Variants in FUBP3 observed in about 807,000 individuals in gnomAD.
FUBP3 encodes the protein far upstream element-binding protein 3.
A neutral mutation model predicts 85.6 loss-of-function variants in FUBP3; 28 were observed. The ratio of observed to expected loss-of-function variants is 0.33; its 90% CI spans 0.24 to 0.45. The LOEUF (loss-of-function observed/expected upper bound fraction) is 0.45. Ranked by LOEUF, FUBP3 falls within the 20% of genes least tolerant of loss-of-function variation. FUBP3 has a pLI of 1.00. For missense variants in FUBP3, 583 were observed against 755.1 expected (o/e 0.77, Z 2.67); for synonymous variants, 271 against 271.4 (o/e 1.00, Z 0.01).
At chr9:130,619,983 A>G (rs555618344) in intron 8 of FUBP3, among the ~76,000 whole-genome samples, 8 of 152,360 alleles carry the variant, frequency 5.3e-5, no homozygotes, top group Non-Finnish European at 1.0e-4. Flanking sequence ...TTCCTGCTAG[A>G]AAGAAATGGC....
chr9:130,582,721 A>G (rs1830185674), intron 1 of FUBP3, among the ~76,000 whole-genome samples: 1 of 152,176 alleles, frequency 6.6e-6, no homozygotes, highest in African/African-American at 2.4e-5. Flanking sequence ...AGTCTGGTTT[A>G]TGTTGTTCCA....
chr9:130,608,830 T>C (rs189728743), intron 2 of FUBP3, among the ~76,000 whole-genome samples: 2 of 152,326 alleles, frequency 1.3e-5, no homozygotes, highest in Admixed American at 6.5e-5. Flanking sequence ...CACGGTCTGC[T>C]TTTTTTCCTT....
chr9:130,587,383 A>G (rs1360132213), intron 1 of FUBP3, among the ~76,000 whole-genome samples: 1 of 152,026 alleles, frequency 6.6e-6, no homozygotes, highest in East Asian at 1.9e-4. Context: ...TAAACAGATC[A>G]CTGGAGGATT....
rs1388696215 is a variant in FUBP3, at chr9:130,635,001, C to G, written c.1582+263C>G. Among the ~76,000 whole-genome samples the G allele has an allele frequency of 2.0e-5, 3 of 152,160 alleles. No homozygotes were observed. Among genetic ancestry groups the G allele is most frequent in the South Asian group, 4.1e-4 (2 of 4,832 alleles). On this transcript the variant is annotated intron_variant, in intron 17 of 18. Transcript: ENST00000319725. The surrounding 1 kb of genome is among the most constrained non-coding windows in gnomAD (Gnocchi z 4.3). ...TCTCCCCGTGCTGGGCTCCAAAGGA[C>G]TTGAGGTGGGCGTGGCACCTGGAAG...
At chr9:130,599,269 G>A (rs1421032860) in intron 2 of FUBP3, among the ~76,000 whole-genome samples, 2 of 151,950 alleles carry the variant, frequency 1.3e-5, no homozygotes, top group African/African-American at 2.4e-5. Flanking sequence ...TCCAGCCTGG[G>A]CAACAGAGTG....
Position 130,616,766 on chromosome 9 carries a change from C to G in FUBP3, c.567+249C>G, listed in dbSNP as rs961383192. ...AGGGGCCCCAGTGAACTTTGAGCAG[C>G]CTTTTTGGCAGTGAGCTCTGTGAGG... On this transcript the variant is annotated intron_variant, in intron 7 of 18. Coordinates refer to ENST00000319725, the MANE Select transcript of FUBP3 (RefSeq NM_003934.2). The surrounding 1 kb of genome is among the most constrained non-coding windows in gnomAD (Gnocchi z 4.7). 2.0e-5 allele frequency among the ~76,000 whole-genome samples: 3 copies of G among 152,210 alleles called. No homozygotes were observed. Among genetic ancestry groups the G allele is most frequent in the Non-Finnish European group, 4.4e-5 (3 of 68,036 alleles).
rs1832002184 is a variant in FUBP3 at position 130,616,240 on chromosome 9, G to A, written c.405-115G>A. ...GTTGTGGGGGCAGGAGCTGGAGCTG[G>A]ATGGAGGGCTGCCCTGACTCCCGCA... On this transcript the variant is annotated intron_variant, in intron 6 of 18. Transcript: ENST00000319725. This position sits in a 1 kb window ranked among gnomAD's most constrained non-coding sequence, Gnocchi z 4.7. 1.1e-6 allele frequency: 1 copy of A among 913,132 alleles called. No individual in the cohort carries two copies. The highest frequency in any genetic ancestry group is 3.4e-4 in the Middle Eastern group (1 of 2,922). The allele number at this position is 913,132 out of a possible 1,614,324, so 56.6% of individuals were successfully genotyped here.
intron 2 of FUBP3, among the ~76,000 whole-genome samples, chr9:130,603,373 T>C (rs1282182485): frequency 4.1e-4 from 38 of 92,602 alleles, no homozygotes; most frequent in African/African-American, 8.1e-4. Flanking sequence ...AAAAAACAAA[T>C]AGTGAAGGGG....
At position 130,635,086 on chromosome 9, in the gene FUBP3, C is replaced by G. The variant is rs981953275; in HGVS notation, c.1582+348C>G. ...CTGAAAGATTCCGGCTGGGTGCCACCTGGCCGGCAAACAGACCAACCAGAC... is the reference window on the plus strand; with the variant it reads ...CTGAAAGATTCCGGCTGGGTGCCACGTGGCCGGCAAACAGACCAACCAGAC... On this transcript the variant is annotated intron_variant, in intron 17 of 18. Transcript: ENST00000319725. The surrounding 1 kb of genome is among the most constrained non-coding windows in gnomAD (Gnocchi z 4.3). Among the ~76,000 whole-genome samples the G allele has an allele frequency of 1.3e-5, 2 of 152,180 alleles. No homozygotes were observed. The highest frequency in any genetic ancestry group is 4.8e-5 in the African/African-American group (2 of 41,440).
chr9:130,619,472 C>T (rs1829644815), intron 8 of FUBP3, among the ~76,000 whole-genome samples: 1 of 152,100 alleles, frequency 6.6e-6, no homozygotes, highest in South Asian at 2.1e-4. Flanking sequence ...AAGCATGTGT[C>T]TCCTAAGAAT....
chr9:130,637,159 C>A lies in FUBP3; in HGVS notation c.*137C>A. The A allele has an allele frequency of 2.9e-6, 2 of 694,024 alleles. No homozygotes were observed. Among genetic ancestry groups the A allele is most frequent in the South Asian group, 1.7e-5 (1 of 58,842 alleles). The allele number at this position is 694,024 out of a possible 1,614,324, so 43.0% of individuals were successfully genotyped here. On this transcript the variant is annotated 3_prime_UTR_variant, in exon 19 of 19. Coordinates refer to ENST00000319725, the MANE Select transcript of FUBP3 (RefSeq NM_003934.2). ...CTGTGAAACACTATATTTAGATTAA[C>A]GGAATTTTTCTAAAAATCAGGAAAA...
chr9:130,632,421 C>T (rs1391233218), intron 16 of FUBP3, 143 bp downstream of exon 16: 4 of 658,128 alleles, frequency 6.1e-6, no homozygotes, highest in Middle Eastern at 4.1e-4. Context: ...CTGGGTGGGG[C>T]TTGGGCCCTC....
intron 8 of FUBP3, among the ~76,000 whole-genome samples, chr9:130,618,217 C>T (rs950354757): frequency 1.1e-4 from 16 of 152,292 alleles, no homozygotes; most frequent in African/African-American, 2.4e-4. Context: ...AGAACATTTC[C>T]GAGCTCTTGC....
Position 130,630,793 on chromosome 9 carries a change from G to A in FUBP3, c.1278+5G>A, listed in dbSNP as rs1192708556. The A allele has an allele frequency of 2.0e-6, 3 of 1,471,252 alleles. No homozygotes were observed. Among genetic ancestry groups the A allele is most frequent in the African/African-American group, 1.5e-5 (1 of 68,352 alleles). 91.1% of individuals were successfully genotyped at this position (1,471,252 alleles called of 1,614,324 possible). A position where few individuals can be genotyped will look rare whatever the true frequency, so the allele number is the denominator to read the frequency against. On this transcript the variant is annotated splice_donor_5th_base_variant and intron_variant, in intron 13 of 18. Coordinates refer to ENST00000319725, the MANE Select transcript of FUBP3 (RefSeq NM_003934.2). ...CTCATAGATGAGAAAGTTGGCGTAC[G>A]TACAGGGTCCTTCCCCCACCTGGTT...
intron 17 of FUBP3, 121 bp downstream of exon 17, chr9:130,634,859 A>C: frequency 4.1e-5 from 31 of 760,916 alleles, no homozygotes; most frequent in South Asian, 6.7e-5. Context: ...GCTTGATCTC[A>C]TTATTTGCCT....
chr9:130,589,675 G>GTGTATATA (rs869282275), intron 1 of FUBP3, among the ~76,000 whole-genome samples: 11 of 34,266 alleles, frequency 3.2e-4, no homozygotes, highest in African/African-American at 1.1e-3. Flanking sequence ...GTATGTGTGT[G>GTGTATATA]TATATATATA....
chr9:130,614,387 C>T (rs759304186), intron 6 of FUBP3, 42 bp downstream of exon 6: 14 of 1,290,756 alleles, frequency 1.1e-5, no homozygotes, highest in African/African-American at 2.9e-5. Context: ...TCTTCTTCCT[C>T]CTTCCCCAAA....
At chr9:130,609,871 C>G (rs1268743697) in intron 2 of FUBP3, 83 bp from the exon 3 acceptor site, 2 of 1,094,742 alleles carry the variant, frequency 1.8e-6, no homozygotes, top group Admixed American at 1.8e-5. Flanking sequence ...CCACCCCACC[C>G]GAAATGGTAA....
chr9:130,629,169 G>A (rs1414664719), intron 12 of FUBP3, among the ~76,000 whole-genome samples: 5 of 152,214 alleles, frequency 3.3e-5, no homozygotes, highest in African/African-American at 7.2e-5. Flanking sequence ...AAAGGGCAGA[G>A]GTAAAGGTCC....
Sources: allele counts gnomAD v4.1 joint callset (sites outside exome capture counted in the v4.1 genomes callset), GRCh38; gene constraint gnomAD v4.1.1; non-coding constraint Gnocchi (gnomAD v3.1); transcripts MANE v1.5; gene names NCBI Gene and HGNC (gene_info 2026-07-23, HGNC 2026-07-21).